The following FBXO25 variants were observed in gnomAD, a reference collection of about 807,000 sequenced individuals.
FBXO25 encodes F-box only protein 25.
Under a neutral mutation model 51.9 loss-of-function variants are expected in FBXO25, and 45 were observed. The observed-to-expected ratio is 0.87, with a 90% CI of 0.68 to 1.11. The LOEUF is 1.11. Among genes scored for constraint, FBXO25 ranks in the 50% most tolerant of loss-of-function variants. FBXO25 has a pLI of 0.00. For missense variants in FBXO25, 507 were observed against 428.5 expected, an observed-to-expected ratio of 1.18 and a Z score of -1.62; for synonymous variants, 199 against 151.0, an observed-to-expected ratio of 1.32 and a Z score of -2.33.
rs1797588120 is a variant in FBXO25, at chr8:427,851, C to T, written c.135-3490C>T. Among the ~76,000 whole-genome samples, 5 of 151,506 alleles carry T rather than the reference C, an allele frequency of 3.3e-5. No homozygotes were observed. The South Asian group carries it at 1.0e-3, about 32-fold the overall frequency. On this transcript the variant is annotated intron_variant, in intron 2 of 9. Coordinates refer to ENST00000350302, the MANE Select transcript of FBXO25 (RefSeq NM_183420.2). ...TTAAAAACCGGAGGCTTACCGTAGC[C>T]TGTCTTATTTTCCTAGACTTGTGTG... is the stretch of plus-strand genomic sequence containing the variant.
intron 3 of FBXO25, among the ~76,000 whole-genome samples, chr8:432,396 C>A (rs918276063): frequency 6.6e-6 from 1 of 152,134 alleles, no homozygotes; most frequent in Non-Finnish European, 1.5e-5. Flanking sequence ...CCAAACCTGA[C>A]TGTGGGTAAT....
At chr8:446,482 T>C (rs1182595276) in intron 5 of FBXO25, among the ~76,000 whole-genome samples, 1 of 152,188 alleles carries the variant, frequency 6.6e-6, no homozygotes, top group Non-Finnish European at 1.5e-5. Flanking sequence ...GGAAATCCAT[T>C]GTTGTGTGAA....
intron 1 of FBXO25, among the ~76,000 whole-genome samples, chr8:408,047 G>T (rs991827132): frequency 2.6e-5 from 4 of 152,060 alleles, no homozygotes; most frequent in Non-Finnish European, 4.4e-5. Flanking sequence ...TTTTCTCCTC[G>T]TCTTTACGTG....
chr8:435,834 T>C, intron 5 of FBXO25, 127 bp downstream of exon 5: 1 of 1,369,806 alleles, frequency 7.3e-7, no homozygotes, highest in Non-Finnish European at 9.7e-7. Flanking sequence ...TGCGTATTAA[T>C]CAAAAAACAG....
intron 5 of FBXO25, among the ~76,000 whole-genome samples, chr8:441,627 G>C (rs1043714231): frequency 3.3e-5 from 5 of 152,084 alleles, no homozygotes; most frequent in Non-Finnish European, 5.9e-5. Context: ...ATCTGACAAA[G>C]GGCTAACATC....
At chr8:440,491 G>C (rs1389297967) in intron 5 of FBXO25, among the ~76,000 whole-genome samples, 1 of 152,266 alleles carries the variant, frequency 6.6e-6, no homozygotes. Context: ...GCCGTGAAGA[G>C]CTTTTTCATT....
intron 7 of FBXO25, among the ~76,000 whole-genome samples, chr8:452,047 A>T (rs551402344): frequency 6.6e-5 from 10 of 152,252 alleles, no homozygotes; most frequent in African/African-American, 2.4e-4. Context: ...AACCGAAGAT[A>T]TATCTTAGCG....
intron 5 of FBXO25, 129 bp downstream of exon 5, chr8:435,836 A>G (rs3873815): frequency 1.5e-6 from 2 of 1,348,496 alleles, no homozygotes; most frequent in Non-Finnish European, 9.9e-7. Flanking sequence ...CGTATTAATC[A>G]AAAAACAGAA....
At chr8:445,981 T>G (rs1320830858) in intron 5 of FBXO25, among the ~76,000 whole-genome samples, 1 of 151,970 alleles carries the variant, frequency 6.6e-6, no homozygotes, top group Non-Finnish European at 1.5e-5. Context: ...CTGAGTTCAG[T>G]CTTCCATAAT....
rs138873854 is a variant in FBXO25 at position 431,595 on chromosome 8, C to T, written c.238+151C>T. 5.7e-4 allele frequency: 289 copies of T among 508,116 alleles called. 1 individual carries two copies. The highest frequency in any genetic ancestry group is 5.3e-3 in the African/African-American group (263 of 49,362). 31.5% of individuals were successfully genotyped at this position (508,116 alleles called of 1,614,324 possible). On this transcript the variant is annotated intron_variant, in intron 3 of 9. Transcript: ENST00000350302. ...ATTGCCTACAGATTTAGTGATCAAA[C>T]TTTTTGCAGCTCAACCGTTTCAGTG...
intron 2 of FBXO25, among the ~76,000 whole-genome samples, chr8:426,851 C>T (rs1797518564): frequency 7.0e-6 from 1 of 142,674 alleles, no homozygotes; most frequent in African/African-American, 2.5e-5. Context: ...CTGCTGCTCC[C>T]TTCATGTAAG....
chr8:449,242 G>C (rs992190083), intron 5 of FBXO25, among the ~76,000 whole-genome samples: 21 of 152,338 alleles, frequency 1.4e-4, no homozygotes, highest in African/African-American at 4.6e-4. Flanking sequence ...AGCATTAAAG[G>C]AAAGCAGCAG....
At chr8:450,309 A>G (rs758627046) in intron 6 of FBXO25, among the ~76,000 whole-genome samples, 28 of 152,230 alleles carry the variant, frequency 1.8e-4, no homozygotes, top group Non-Finnish European at 4.0e-4. Flanking sequence ...TATATTAGGA[A>G]AAATAACTAA....
At chr8:413,695 G>A (rs1018852471) in intron 2 of FBXO25, among the ~76,000 whole-genome samples, 2 of 152,160 alleles carry the variant, frequency 1.3e-5, no homozygotes, top group Non-Finnish European at 2.9e-5. Flanking sequence ...GGTCCAAAAC[G>A]GTGTATTACC....
chr8:424,360 T>G (rs1289084142), intron 2 of FBXO25, among the ~76,000 whole-genome samples: 3 of 152,200 alleles, frequency 2.0e-5, no homozygotes, highest in African/African-American at 7.2e-5. Flanking sequence ...AGAAGCTCTT[T>G]CATTTAATTA....
At chr8:420,247 G>T (rs4045416) in intron 2 of FBXO25, 1 of 152,214 alleles carries the variant, frequency 6.6e-6, no homozygotes, top group Non-Finnish European at 1.5e-5. Flanking sequence ...AGAGGCCTAC[G>T]TCAGTAGCTA....
intron 1 of FBXO25, among the ~76,000 whole-genome samples, chr8:409,597 AT>A (rs1294849201): frequency 6.6e-6 from 1 of 152,208 alleles, no homozygotes; most frequent in Non-Finnish European, 1.5e-5. Flanking sequence ...GTATTAAATG[AT>A]GAGTGGGCAT....
At chr8:454,890 C>CAAAA (rs376342237) in intron 7 of FBXO25, among the ~76,000 whole-genome samples, 15 of 109,626 alleles carry the variant, frequency 1.4e-4, no homozygotes, top group Admixed American at 1.8e-4. Flanking sequence ...GACTCCATCT[C>CAAAA]AAAAAAAGAA....
At chr8:468,530 A>G (rs1446979926) in intron 9 of FBXO25, among the ~76,000 whole-genome samples, 185 bp from the exon 10 acceptor site, 1 of 151,796 alleles carries the variant, frequency 6.6e-6, no homozygotes. Flanking sequence ...TCCATGGGAA[A>G]CCTCTATGTA....
Sources: allele counts gnomAD v4.1 joint callset (sites outside exome capture counted in the v4.1 genomes callset), GRCh38; gene constraint gnomAD v4.1.1; transcripts MANE v1.5; gene names NCBI Gene and HGNC (gene_info 2026-07-23, HGNC 2026-07-21).